The following CNTNAP2 variants were observed in gnomAD, a reference collection of about 807,000 sequenced individuals.
CNTNAP2 encodes the protein contactin associated protein 2.
CNTNAP2 carries 98 observed loss-of-function variants against 155.2 expected under a neutral mutation model. That is an observed-to-expected ratio of 0.63 (90% CI 0.54 to 0.75). CNTNAP2 has a LOEUF of 0.75. CNTNAP2 is among the 30% of genes least tolerant of loss of function. The pLI, the probability that CNTNAP2 is intolerant of heterozygous loss-of-function variation, is 0.00. For missense variants in CNTNAP2, 1,727 were observed against 1,688.1 expected (o/e 1.02, Z -0.40); for synonymous variants, 651 against 631.2 (o/e 1.03, Z -0.47).
rs1798999191 is a variant in CNTNAP2 at position 148,379,298 on chromosome 7, T to C, written c.3476-4351T>C. On this transcript the variant is annotated intron_variant, in intron 21 of 23. Coordinates refer to ENST00000361727, the MANE Select transcript of CNTNAP2 (RefSeq NM_014141.6). Reference sequence around the variant, plus strand: ...ATAGAAAACTATAAGATATAAAACCTAACAAAAATCATCTGGTGAATAGAT... The same window carrying C: ...ATAGAAAACTATAAGATATAAAACCCAACAAAAATCATCTGGTGAATAGAT... Among the ~76,000 whole-genome samples, 2 of 151,890 alleles carry C rather than the reference T, an allele frequency of 1.3e-5. 1 individual carries two copies. Among genetic ancestry groups the C allele is most frequent in the South Asian group, 4.2e-4 (2 of 4,800 alleles).
chr7:147,261,899 AAGC>A (rs1349357709), intron 8 of CNTNAP2, among the ~76,000 whole-genome samples: 1 of 152,240 alleles, frequency 6.6e-6, no homozygotes, highest in East Asian at 1.9e-4. Context: ...TTTGCTGACA[AAGC>A]AGAAGATAAT....
intron 23 of CNTNAP2, among the ~76,000 whole-genome samples, chr7:148,413,401 A>AATATAT (rs1226281346): frequency 2.4e-4 from 11 of 45,280 alleles, no homozygotes; most frequent in South Asian, 7.2e-4. Context: ...TCAAAAAAAA[A>AATATAT]ATATATATAT....
At chr7:146,238,591 G>GA (rs532714257) in intron 1 of CNTNAP2, among the ~76,000 whole-genome samples, 4 of 150,740 alleles carry the variant, frequency 2.7e-5, no homozygotes, top group Admixed American at 6.6e-5. Context: ...TATGAGTGAG[G>GA]AAAAAAAAAG....
chr7:146,640,110 G>T (rs1018277171), intron 1 of CNTNAP2, among the ~76,000 whole-genome samples: 1 of 152,188 alleles, frequency 6.6e-6, no homozygotes, highest in African/African-American at 2.4e-5. Flanking sequence ...GAAGAAACAA[G>T]AAAGCTATAA....
At chr7:147,139,935 T>G (rs1026406696) in intron 8 of CNTNAP2, among the ~76,000 whole-genome samples, 1 of 152,088 alleles carries the variant, frequency 6.6e-6, no homozygotes, top group Non-Finnish European at 1.5e-5. Flanking sequence ...TGGCCCCATC[T>G]GCAATCATGA....
At chr7:147,544,650 A>G (rs2116751818) in intron 11 of CNTNAP2, among the ~76,000 whole-genome samples, 1 of 152,118 alleles carries the variant, frequency 6.6e-6, no homozygotes, top group South Asian at 2.1e-4. Context: ...TATATGTGAT[A>G]AGATTTGGCT....
chr7:146,890,976 T>C (rs534038415), intron 3 of CNTNAP2, among the ~76,000 whole-genome samples: 1 of 152,236 alleles, frequency 6.6e-6, no homozygotes, highest in Non-Finnish European at 1.5e-5. Context: ...AGCAAAGATA[T>C]GGAATCAACC....
intron 15 of CNTNAP2, among the ~76,000 whole-genome samples, chr7:148,072,019 A>C (rs1301407236): frequency 6.6e-6 from 1 of 152,188 alleles, no homozygotes; most frequent in East Asian, 1.9e-4. Context: ...TTAATCATGT[A>C]AACAATTATC....
At chr7:148,082,730 G>A (rs1021280226) in intron 15 of CNTNAP2, among the ~76,000 whole-genome samples, 13 of 152,078 alleles carry the variant, frequency 8.5e-5, no homozygotes, top group Non-Finnish European at 1.9e-4. Flanking sequence ...CCAGCGTGGA[G>A]TGCAATGGCA....
rs1285207289 is a variant in CNTNAP2, at chr7:146,948,699, G to C, written c.403-95208G>C. Among the ~76,000 whole-genome samples the C allele has an allele frequency of 2.0e-5, 3 of 152,118 alleles. No homozygotes were observed. In the East Asian group the frequency reaches 5.8e-4, roughly 29 times the overall value. ...ATTATGAAGTAGAAGACAACTCTTT[G>C]GATGAGGTGTTGAATTAAATACATT... is the stretch of plus-strand genomic sequence containing the variant. On this transcript the variant is annotated intron_variant, in intron 3 of 23. Coordinates refer to ENST00000361727, the MANE Select transcript of CNTNAP2 (RefSeq NM_014141.6).
At chr7:147,263,798 G>A (rs1022981582) in intron 8 of CNTNAP2, among the ~76,000 whole-genome samples, 1 of 152,100 alleles carries the variant, frequency 6.6e-6, no homozygotes, top group African/African-American at 2.4e-5. Context: ...ATTTAAATGG[G>A]ACCTCTGTCT....
chr7:147,005,114 T>C (rs926487514), intron 3 of CNTNAP2, among the ~76,000 whole-genome samples: 1 of 152,048 alleles, frequency 6.6e-6, no homozygotes, highest in Admixed American at 6.6e-5. Flanking sequence ...TCATATTTTA[T>C]TTTTTAAAAT....
intron 4 of CNTNAP2, among the ~76,000 whole-genome samples, chr7:147,083,787 A>ATATATACATATACACATGTATATACATAT (rs1800198564): frequency 9.8e-6 from 1 of 102,454 alleles, no homozygotes; most frequent in Non-Finnish European, 2.3e-5. Context: ...TGTATATATT[A>ATATATACATATACACATGTATATACATAT]TATATACATA....
intron 11 of CNTNAP2, among the ~76,000 whole-genome samples, chr7:147,533,823 T>C (rs1799488344): frequency 6.6e-6 from 1 of 152,198 alleles, no homozygotes; most frequent in African/African-American, 2.4e-5. Context: ...TGGCTTCAGT[T>C]GTACTAGCAA....
chr7:146,223,165 A>G (rs954989068), intron 1 of CNTNAP2, among the ~76,000 whole-genome samples: 3 of 152,202 alleles, frequency 2.0e-5, no homozygotes, highest in Admixed American at 6.5e-5. Context: ...GTACACAGAA[A>G]GTGCTTTGTT....
chr7:146,525,036 T>G (rs559933680), intron 1 of CNTNAP2, among the ~76,000 whole-genome samples: 2 of 152,226 alleles, frequency 1.3e-5, no homozygotes, highest in South Asian at 4.1e-4. Context: ...CAACTGAAAT[T>G]TTTAACTATT....
intron 13 of CNTNAP2, among the ~76,000 whole-genome samples, chr7:147,674,760 T>C (rs1476248883): frequency 6.6e-6 from 1 of 152,126 alleles, no homozygotes; most frequent in African/African-American, 2.4e-5. Flanking sequence ...GTTGTTACAT[T>C]TTTTTCCTTA....
At chr7:148,082,303 G>T (rs149553100) in intron 15 of CNTNAP2, among the ~76,000 whole-genome samples, 101 of 152,326 alleles carry the variant, frequency 6.6e-4, no homozygotes, top group Admixed American at 2.0e-3. Context: ...AGATGACAAG[G>T]GCTGAAGGGC....
chr7:147,055,108 A>G (rs1013290162), intron 4 of CNTNAP2, among the ~76,000 whole-genome samples: 2 of 152,178 alleles, frequency 1.3e-5, no homozygotes, highest in East Asian at 3.9e-4. Context: ...AAACATCTGA[A>G]TACTCTACCC....
Sources: gnomAD v4.1 joint callset for allele counts (sites outside exome capture counted in the v4.1 genomes callset) on GRCh38, gnomAD v4.1.1 for gene constraint, MANE v1.5 for transcripts, NCBI Gene and HGNC (gene_info 2026-07-23, HGNC 2026-07-21) for gene names.